Variants in PLPPR3 observed in about 807,000 individuals in gnomAD.
PLPPR3 encodes phospholipid phosphatase related 3.
Under a neutral mutation model 27.3 loss-of-function variants are expected in PLPPR3, and 14 were observed. That is an observed-to-expected ratio of 0.51 (90% confidence interval 0.34 to 0.80). PLPPR3 has a LOEUF of 0.80. PLPPR3 is among the 30% of genes least tolerant of loss of function. The probability of loss-of-function intolerance (pLI) is 0.01; values close to 1 mark genes in which losing one functional copy is unlikely to be tolerated. For missense variants in PLPPR3, 1,287 were observed against 1,056.9 expected (o/e 1.22, Z -3.02); for synonymous variants, 671 against 508.0 (o/e 1.32, Z -4.32).
In PLPPR3 at chr19:814,871, G is replaced by T; in HGVS notation, c.599+15C>A. On this transcript the variant is annotated intron_variant, in intron 5 of 7. Coordinates refer to ENST00000520876, the MANE Select transcript of PLPPR3 (RefSeq NM_001270366.2). ...AAGAAGGCTCCCAGTCAGGGGAGTT[G>T]GGGGTCCGGCTCACCGTGCAGACAG... 6.2e-7 allele frequency: 1 copy of T among 1,604,448 alleles called. No homozygotes were observed.
chr19:816,325 C>T (rs1172591995), intron 2 of PLPPR3, among the ~76,000 whole-genome samples: 1 of 147,032 alleles, frequency 6.8e-6, no homozygotes, highest in Non-Finnish European at 1.5e-5. Context: ...AACTGTCCAT[C>T]CATCCACCCA....
At chr19:818,307 C>A (rs942420851) in intron 2 of PLPPR3, among the ~76,000 whole-genome samples, 4 of 151,852 alleles carry the variant, frequency 2.6e-5, no homozygotes, top group African/African-American at 9.7e-5. Flanking sequence ...CGTTTGAGGA[C>A]GGGAGGTGGA....
At position 812,887 on chromosome 19, in the gene PLPPR3, C is replaced by G; in HGVS notation, c.1840G>C (p.Glu614Gln). The change falls in exon 8 of 8, where the codon GAG becomes CAG. Residue 614 changes from glutamate to glutamine, a missense_variant. Coordinates refer to ENST00000520876, the MANE Select transcript of PLPPR3 (RefSeq NM_001270366.2). ...WKAAGGGAKA[E>Q]ADGGYELGDL... ...CCCAGCTCGTAGCCGCCGTCGGCCT[C>G]CGCCTTGGCCCCGCCGCCCGCCGCC... The G allele has an allele frequency of 1.6e-6, 2 of 1,240,346 alleles. No homozygotes were observed. The highest frequency in any genetic ancestry group is 2.0e-6 in the Non-Finnish European group (2 of 985,342). The allele number at this position is 1,240,346 out of a possible 1,614,324, so 76.8% of individuals were successfully genotyped here.
Position 814,883 on chromosome 19 carries a change from C to G in PLPPR3, c.599+3G>C. 6.2e-7 allele frequency: 1 copy of G among 1,607,908 alleles called. No individual in the cohort carries two copies. The highest frequency in any genetic ancestry group is 8.5e-7 in the Non-Finnish European group (1 of 1,179,076). ...AGTCAGGGGAGTTGGGGGTCCGGCTCACCGTGCAGACAGGATGGCGTGGAT... is the reference window on the plus strand; with the variant it reads ...AGTCAGGGGAGTTGGGGGTCCGGCTGACCGTGCAGACAGGATGGCGTGGAT... On this transcript the variant is annotated splice_donor_region_variant and intron_variant, in intron 5 of 7. Transcript: ENST00000520876.
chr19:823,450 A>AAAACAAAAAAAAC (rs1555703877), upstream of PLPPR3, among the ~76,000 whole-genome samples: 11 of 143,882 alleles, frequency 7.6e-5, no homozygotes, highest in Admixed American at 5.7e-4. Context: ...TCAAAAAAAA[A>AAAACAAAAAAAAC]AAAAAAAACA....
intron 2 of PLPPR3, among the ~76,000 whole-genome samples, chr19:818,723 C>T (rs1047869475): frequency 1.8e-4 from 28 of 151,982 alleles, no homozygotes; most frequent in Admixed American, 1.4e-3. Context: ...TTAGTAGAGA[C>T]GGGGTTTCAC....
chr19:817,394 C>A (rs7259714), intron 2 of PLPPR3, among the ~76,000 whole-genome samples: 2 of 151,892 alleles, frequency 1.3e-5, no homozygotes, highest in East Asian at 3.9e-4. Flanking sequence ...CACCTCAGCC[C>A]TCCAAGTAGC....
intron 5 of PLPPR3, 49 bp from the exon 6 acceptor site, chr19:814,798 C>T: frequency 6.4e-7 from 1 of 1,561,022 alleles, no homozygotes; most frequent in Admixed American, 1.7e-5. Flanking sequence ...GACCCCAGCT[C>T]CAGTGGCCTC....
At chr19:820,498 G>A (rs780123105) in intron 2 of PLPPR3, among the ~76,000 whole-genome samples, 1 of 148,086 alleles carries the variant, frequency 6.8e-6, no homozygotes, top group African/African-American at 2.6e-5. Context: ...AGGGCAGGGG[G>A]CTCCATTTAT....
Position 812,710 on chromosome 19 carries a change from C to T in PLPPR3, c.2017G>A (p.Ala673Thr). 1 of 1,054,746 alleles carries T rather than the reference C, an allele frequency of 9.5e-7. No homozygotes were observed. Among genetic ancestry groups the T allele is most frequent in the South Asian group, 4.4e-5 (1 of 22,930 alleles). The allele number at this position is 1,054,746 out of a possible 1,614,324, so 65.3% of individuals were successfully genotyped here. The change falls in exon 8 of 8, where the codon GCC (alanine) becomes ACC (threonine). Residue 673 changes from alanine (A) to threonine (T), a missense_variant. Physicochemically the swap from Ala to Thr is moderately conservative, Grantham distance 58. Coordinates refer to ENST00000520876, the MANE Select transcript of PLPPR3 (RefSeq NM_001270366.2). Reference sequence around the variant, plus strand: ...CTGCCCGGGCCCAGCGCCCCATCGGCCGCGCCCAGCGGGGGCAGCCCCTCG... The same window carrying T: ...CTGCCCGGGCCCAGCGCCCCATCGGTCGCGCCCAGCGGGGGCAGCCCCTCG... ...TGEGLPPLGAADGALGPGSRE... is the reference protein window; with the variant it reads ...TGEGLPPLGATDGALGPGSRE...
intron 5 of PLPPR3, 24 bp from the exon 6 acceptor site, chr19:814,773 C>G: frequency 6.4e-7 from 1 of 1,559,150 alleles, no homozygotes; most frequent in Non-Finnish European, 8.6e-7. Flanking sequence ...CCAGCGTGAG[C>G]CCCGCCCACC....
intron 2 of PLPPR3, among the ~76,000 whole-genome samples, chr19:820,410 C>T (rs112942007): frequency 0.056 from 8,472 of 152,240 alleles, 781 homozygotes; most frequent in African/African-American, 0.19. Context: ...GTCTCAAACT[C>T]CTGGCCTCAA....
At chr19:814,832 G>T in intron 5 of PLPPR3, 54 bp downstream of exon 5, 1 of 1,582,778 alleles carries the variant, frequency 6.3e-7, no homozygotes, top group Non-Finnish European at 8.6e-7. Flanking sequence ...TTCCCCGCAT[G>T]TTCACCGGGG....
chr19:813,255 G>A lies in PLPPR3; in HGVS notation c.1472C>T (p.Pro491Leu), dbSNP rs749231494. Residue 491 changes from proline (P) to leucine (L), a missense_variant, in exon 8 of 8, where the codon CCG (proline) becomes CTG (leucine). Pro to Leu is a moderately conservative substitution (Grantham distance 98, BLOSUM62 -3). Transcript: ENST00000520876. This position sits in a 1 kb window ranked among gnomAD's most constrained non-coding sequence, Gnocchi z 4.1. ...CTCCTCCGGGATGTGCACCAGCGGC[G>A]GCGGCCCCGCGCGCGGTGGGAGGAT... ...RVILPPRAGPPPLVHIPEEGA... is the reference protein window; with the variant it reads ...RVILPPRAGPLPLVHIPEEGA... 3.8e-5 allele frequency: 56 copies of A among 1,474,158 alleles called. No individual in the cohort carries two copies. Among genetic ancestry groups the A allele is most frequent in the Non-Finnish European group, 4.8e-5 (54 of 1,122,638 alleles). 91.3% of individuals were successfully genotyped at this position (1,474,158 alleles called of 1,614,324 possible).
Position 814,500 on chromosome 19 carries a change from CT to C in PLPPR3, c.764del (p.Gln255ArgfsTer52), listed in dbSNP as rs1269634601. 6.2e-7 allele frequency: 1 copy of C among 1,610,822 alleles called. No homozygotes were observed. Reference sequence around the variant, plus strand: ...ACACGTCCACAGGGTGGCTGCGGTACTGCGTGATCTGCGTGAGCCCGCATAC... The same window carrying C: ...ACACGTCCACAGGGTGGCTGCGGTACGCGTGATCTGCGTGAGCCCGCATAC... The part of the protein sequence containing the change: ...AGVCGLTQIT[Q>X]YRSHPVDVYA... On this transcript the variant is annotated frameshift_variant, in exon 7 of 8. Transcript: ENST00000520876. LOFTEE classifies it high-confidence loss of function.
In PLPPR3 at chr19:812,521, GCCGCCCGCGCCCTCGGCCCGCCCC is replaced by G. The variant is rs1419218409; in HGVS notation, c.*25_*48del. On this transcript the variant is annotated 3_prime_UTR_variant, in exon 8 of 8. Coordinates refer to ENST00000520876, the MANE Select transcript of PLPPR3 (RefSeq NM_001270366.2). Reference sequence around the variant, plus strand: ...TGCCGCTTTATTGAGCATCCGCGCGGCCGCCCGCGCCCTCGGCCCGCCCCCCGCCCGCCCCCGGCCCCGCCGCGC... The same window carrying G: ...TGCCGCTTTATTGAGCATCCGCGCGGCCGCCCGCCCCCGGCCCCGCCGCGC... 2 of 987,458 alleles carry G rather than the reference GCCGCCCGCGCCCTCGGCCCGCCCC, an allele frequency of 2.0e-6. No individual in the cohort carries two copies. Among genetic ancestry groups the G allele is most frequent in the Non-Finnish European group, 2.4e-6 (2 of 830,670 alleles). 61.2% of individuals were successfully genotyped at this position (987,458 alleles called of 1,614,324 possible).
chr19:817,197 C>T (rs558608700), intron 2 of PLPPR3, among the ~76,000 whole-genome samples: 183 of 152,262 alleles, frequency 1.2e-3, no homozygotes, highest in Middle Eastern at 6.8e-3. Context: ...AGGCTGGTCT[C>T]GAACTCCTAG....
rs2034955968 is a variant in PLPPR3, at chr19:812,828, C to T, written c.1899G>A (p.Lys633=). 14 of 1,112,318 alleles carry T rather than the reference C, an allele frequency of 1.3e-5. No homozygotes were observed. Among genetic ancestry groups the T allele is most frequent in the African/African-American group, 1.7e-5 (1 of 58,862 alleles). 68.9% of individuals were successfully genotyped at this position (1,112,318 alleles called of 1,614,324 possible). The change falls in exon 8 of 8, where the codon AAG becomes AAA. Residue 633 remains lysine (K), a synonymous_variant. Coordinates refer to ENST00000520876, the MANE Select transcript of PLPPR3 (RefSeq NM_001270366.2). ...ACGAGCCGGGGGACACGCCCGGGGG[C>T]TTGGCCCCGCCGCGGAAGCCGCGCG... ...DLARGFRGGA[K]PPGVSPGSSV...
At chr19:821,361 T>C (rs536224570) in intron 2 of PLPPR3, 124 bp downstream of exon 2, 39 of 682,976 alleles carry the variant, frequency 5.7e-5, no homozygotes, top group Middle Eastern at 4.4e-4. Context: ...GACACCCCGG[T>C]CCTGCCCCGC....
Sources: gnomAD v4.1 joint callset for allele counts (sites outside exome capture counted in the v4.1 genomes callset) on GRCh38, gnomAD v4.1.1 for gene constraint, Gnocchi (gnomAD v3.1) non-coding constraint, MANE v1.5 for transcripts, NCBI Gene and HGNC (gene_info 2026-07-23, HGNC 2026-07-21) for gene names.